MAML2: variants seen among roughly 807,000 people sequenced by gnomAD.
MAML2 encodes the protein mastermind like transcriptional coactivator 2, also known as mastermind-like protein 2.
MAML2 carries 22 observed loss-of-function variants against 96.1 expected under a neutral mutation model. The observed-to-expected ratio is 0.23, with a 90% CI of 0.16 to 0.33. The LOEUF is 0.33. MAML2 is among the 10% of genes least tolerant of loss of function. MAML2 has a pLI of 1.00. For missense variants in MAML2, 1,367 were observed against 1,392.4 expected, an observed-to-expected ratio of 0.98 and a Z score of 0.29; for synonymous variants, 561 against 521.3, an observed-to-expected ratio of 1.08 and a Z score of -1.04.
intron 1 of MAML2, among the ~76,000 whole-genome samples, chr11:96,279,621 C>T (rs762078292): frequency 1.3e-5 from 2 of 152,210 alleles, no homozygotes; most frequent in Non-Finnish European, 2.9e-5. Context: ...CAATTTGACA[C>T]TCTCCACTCC....
intron 1 of MAML2, among the ~76,000 whole-genome samples, chr11:96,252,488 C>T (rs542016408): frequency 6.0e-4 from 84 of 139,790 alleles, no homozygotes; most frequent in Non-Finnish European, 9.6e-4. Context: ...TGCAGTGGAG[C>T]GATCTCTGCT....
At chr11:96,218,867 G>A (rs1386643971) in intron 1 of MAML2, among the ~76,000 whole-genome samples, 3 of 152,156 alleles carry the variant, frequency 2.0e-5, no homozygotes, top group African/African-American at 7.2e-5. Flanking sequence ...ATAATTCATT[G>A]TTTATCTGAA....
chr11:96,163,126 C>A (rs1861139262), intron 1 of MAML2, among the ~76,000 whole-genome samples: 2 of 152,182 alleles, frequency 1.3e-5, no homozygotes, highest in African/African-American at 4.8e-5. Flanking sequence ...TATAAACGTT[C>A]CGTAGTTTAA....
chr11:96,260,156 T>C (rs554840824), intron 1 of MAML2, among the ~76,000 whole-genome samples: 1 of 151,422 alleles, frequency 6.6e-6, no homozygotes, highest in East Asian at 2.0e-4. Context: ...TGCCTGTGTG[T>C]GTGGGAGTGG....
chr11:96,073,321 C>CTT (rs57220287), intron 2 of MAML2, among the ~76,000 whole-genome samples: 1 of 108,320 alleles, frequency 9.2e-6, no homozygotes, highest in East Asian at 2.6e-4. Context: ...CTTTTCTTTT[C>CTT]TTTTTTTTTT....
At chr11:96,316,076 A>T (rs1863628732) in intron 1 of MAML2, among the ~76,000 whole-genome samples, 1 of 152,230 alleles carries the variant, frequency 6.6e-6, no homozygotes, top group Non-Finnish European at 1.5e-5. Flanking sequence ...CAATCTGGGT[A>T]AGTGGGTCAC....
chr11:96,184,470 A>G (rs560584241), intron 1 of MAML2, among the ~76,000 whole-genome samples: 81 of 151,200 alleles, frequency 5.4e-4, no homozygotes, highest in African/African-American at 1.8e-3. Context: ...AAATAAATAA[A>G]TAAATAAAAA....
chr11:95,991,447 A>G lies in MAML2; in HGVS notation c.2343+73T>C. The G allele has an allele frequency of 2.9e-6, 4 of 1,396,552 alleles. No individual in the cohort carries two copies. The African/African-American group carries it at 4.3e-5, about 15-fold the overall frequency. The allele number at this position is 1,396,552 out of a possible 1,614,324, so 86.5% of individuals were successfully genotyped here. A position where few individuals can be genotyped will look rare whatever the true frequency, so the allele number is the denominator to read the frequency against. On this transcript the variant is annotated intron_variant, in intron 3 of 4. Transcript: ENST00000524717. Reference sequence around the variant, plus strand: ...TGTCACGTAAGTAGGCACAGTAAATATAAATGGAAAAGAATAAACTCCCTC... The same window carrying G: ...TGTCACGTAAGTAGGCACAGTAAATGTAAATGGAAAAGAATAAACTCCCTC...
intron 2 of MAML2, among the ~76,000 whole-genome samples, chr11:96,059,118 C>A (rs890433587): frequency 6.6e-6 from 1 of 151,980 alleles, no homozygotes; most frequent in Non-Finnish European, 1.5e-5. Flanking sequence ...AAAGAGGAAC[C>A]TGAGGCACAG....
chr11:96,073,215 C>A (rs926628884), intron 2 of MAML2, among the ~76,000 whole-genome samples: 1 of 152,214 alleles, frequency 6.6e-6, no homozygotes, highest in Middle Eastern at 3.4e-3. Context: ...CCAATTTAGC[C>A]TTGCATAAAA....
At chr11:96,073,239 A>G (rs1372231574) in intron 2 of MAML2, among the ~76,000 whole-genome samples, 1 of 152,012 alleles carries the variant, frequency 6.6e-6, no homozygotes, top group Non-Finnish European at 1.5e-5. Context: ...TTTGTTTGGC[A>G]TTTACAGTCT....
chr11:96,037,742 G>T (rs1385225174), intron 2 of MAML2, among the ~76,000 whole-genome samples: 1 of 152,154 alleles, frequency 6.6e-6, no homozygotes. Context: ...CACCCACAGA[G>T]CCTGGATGTG....
chr11:96,068,914 CCTT>C (rs1344968197), intron 2 of MAML2, among the ~76,000 whole-genome samples: 1 of 135,542 alleles, frequency 7.4e-6, no homozygotes, highest in African/African-American at 2.9e-5. Context: ...CTTCTTCCCT[CCTT>C]TTTTTTTTTT....
At chr11:96,100,097 G>T (rs1006555026) in intron 1 of MAML2, among the ~76,000 whole-genome samples, 3 of 152,194 alleles carry the variant, frequency 2.0e-5, no homozygotes, top group Non-Finnish European at 4.4e-5. Context: ...CTCCTGATGG[G>T]ACTGCAAAGC....
At chr11:96,265,934 C>A (rs1412591579) in intron 1 of MAML2, among the ~76,000 whole-genome samples, 1 of 152,182 alleles carries the variant, frequency 6.6e-6, no homozygotes, top group Non-Finnish European at 1.5e-5. Context: ...CCAAAGCAAG[C>A]ACCCCAGGAT....
intron 2 of MAML2, among the ~76,000 whole-genome samples, chr11:96,066,769 A>G (rs1337461690): frequency 6.6e-6 from 1 of 152,260 alleles, no homozygotes; most frequent in Non-Finnish European, 1.5e-5. Context: ...TAGTGAAGAC[A>G]GACAGATACT....
intron 1 of MAML2, among the ~76,000 whole-genome samples, chr11:96,308,430 T>C (rs560944919): frequency 6.6e-6 from 1 of 152,344 alleles, no homozygotes; most frequent in African/African-American, 2.4e-5. Context: ...AGTGACAATT[T>C]ACATAATTAC....
chr11:96,133,682 G>A (rs550595451), intron 1 of MAML2, among the ~76,000 whole-genome samples: 24 of 152,348 alleles, frequency 1.6e-4, no homozygotes, highest in African/African-American at 5.8e-4. Context: ...TTTAAAGGCT[G>A]TGTATATTAC....
At chr11:96,068,081 TTTC>T (rs1332559394) in intron 2 of MAML2, among the ~76,000 whole-genome samples, 3 of 152,226 alleles carry the variant, frequency 2.0e-5, no homozygotes, top group Non-Finnish European at 2.9e-5. Context: ...TTCAACAAGT[TTTC>T]TTCTTAATGT....
Sources: allele counts gnomAD v4.1 joint callset (sites outside exome capture counted in the v4.1 genomes callset), GRCh38; gene constraint gnomAD v4.1.1; transcripts MANE v1.5; gene names NCBI Gene and HGNC (gene_info 2026-07-23, HGNC 2026-07-21).